Variants in ZCCHC14 observed in about 807,000 individuals in gnomAD.
The protein encoded by ZCCHC14 is zinc finger CCHC domain-containing protein 14.
In ZCCHC14, 16 loss-of-function variants were observed where a neutral mutation model predicts 85.0. The ratio of observed to expected loss-of-function variants is 0.19; its 90% CI spans 0.13 to 0.29. ZCCHC14 has a LOEUF of 0.29. ZCCHC14 is among the 10% of genes least tolerant of loss of function. The probability of loss-of-function intolerance (pLI) is 1.00; values close to 1 mark genes in which losing one functional copy is unlikely to be tolerated. For missense variants in ZCCHC14, 1,303 were observed against 1,443.5 expected, an observed-to-expected ratio of 0.90 and a Z score of 1.58; for synonymous variants, 775 against 630.7, an observed-to-expected ratio of 1.23 and a Z score of -3.43.
At position 87,413,234 on chromosome 16, in the gene ZCCHC14, C is replaced by A. The variant is rs373585854; in HGVS notation, c.1604-39G>T. The A allele has an allele frequency of 3.4e-5, 51 of 1,483,972 alleles. No homozygotes were observed. In the African/African-American group the frequency reaches 6.6e-4, roughly 19 times the overall value. The allele number at this position is 1,483,972 out of a possible 1,614,324, so 91.9% of individuals were successfully genotyped here. On this transcript the variant is annotated intron_variant, in intron 10 of 12. Coordinates refer to ENST00000671377, the MANE Select transcript of ZCCHC14 (RefSeq NM_015144.3). The stretch of plus-strand genomic sequence containing the variant: ...ACAGAGGAGCAGCCATCAACTAGCG[C>A]CCCTGCAGGCTCAGCCCGCCCCGTG...
intron 4 of ZCCHC14, among the ~76,000 whole-genome samples, chr16:87,421,862 C>T (rs142770376): frequency 6.6e-6 from 1 of 152,164 alleles, no homozygotes; most frequent in East Asian, 1.9e-4. Context: ...AGGCATAAAT[C>T]TCGCTCTCCT....
intron 1 of ZCCHC14, among the ~76,000 whole-genome samples, chr16:87,484,246 C>T (rs139185095): frequency 0.017 from 2,516 of 152,342 alleles, 25 homozygotes; most frequent in Middle Eastern, 0.048. Flanking sequence ...ACCCTTAAAA[C>T]GTCCTGGGTG....
At chr16:87,453,451 C>T (rs767393329) in intron 2 of ZCCHC14, among the ~76,000 whole-genome samples, 9 of 152,252 alleles carry the variant, frequency 5.9e-5, no homozygotes, top group Non-Finnish European at 1.2e-4. Context: ...TCAGTTCCCC[C>T]GTCAGTGCCC....
intron 2 of ZCCHC14, among the ~76,000 whole-genome samples, chr16:87,436,934 C>G (rs1301760933): frequency 1.3e-5 from 2 of 152,192 alleles, no homozygotes; most frequent in African/African-American, 4.8e-5. Context: ...GAATACCTAT[C>G]TGCACGCAGA....
chr16:87,476,796 C>A (rs535156583), intron 1 of ZCCHC14, among the ~76,000 whole-genome samples: 2 of 151,684 alleles, frequency 1.3e-5, no homozygotes, highest in Admixed American at 6.6e-5. Context: ...ACGGTCATAC[C>A]GCACAAACCC....
chr16:87,454,836 G>A (rs147744653), intron 2 of ZCCHC14, among the ~76,000 whole-genome samples: 1 of 152,254 alleles, frequency 6.6e-6, no homozygotes, highest in Non-Finnish European at 1.5e-5. Context: ...ATACAGGACA[G>A]GGCAGAGCTG....
intron 2 of ZCCHC14, among the ~76,000 whole-genome samples, chr16:87,453,998 T>C (rs78732443): frequency 0.12 from 17,892 of 152,088 alleles, 3,458 homozygotes; most frequent in African/African-American, 0.41. Flanking sequence ...ATTCTGAAAC[T>C]AAAAATACAA....
At chr16:87,488,874 G>C (rs1026827539) in intron 1 of ZCCHC14, among the ~76,000 whole-genome samples, 26 of 152,294 alleles carry the variant, frequency 1.7e-4, no homozygotes, top group Middle Eastern at 3.4e-3. Flanking sequence ...CACCTTGCCA[G>C]GCCAAGAAAT....
At chr16:87,467,583 T>A (rs569365097) in intron 1 of ZCCHC14, 2 of 1,440,894 alleles carry the variant, frequency 1.4e-6, no homozygotes, top group Admixed American at 1.7e-5. Context: ...TTCTGAAAAT[T>A]GGAATAGGTG....
intron 1 of ZCCHC14, among the ~76,000 whole-genome samples, chr16:87,482,985 A>T (rs1912354468): frequency 6.6e-6 from 1 of 152,158 alleles, no homozygotes; most frequent in Non-Finnish European, 1.5e-5. Context: ...ATTATACATT[A>T]TGCATTATGA....
intron 2 of ZCCHC14, among the ~76,000 whole-genome samples, chr16:87,453,682 C>G (rs1331061701): frequency 6.6e-6 from 1 of 152,234 alleles, no homozygotes; most frequent in Non-Finnish European, 1.5e-5. Flanking sequence ...AGACAATATT[C>G]CCTGTTGCAA....
At position 87,492,314 on chromosome 16, in the gene ZCCHC14, C is replaced by A. The variant is rs932391311; in HGVS notation, c.-76G>T. 4.5e-5 allele frequency: 31 copies of A among 688,470 alleles called. No individual in the cohort carries two copies. Among genetic ancestry groups the A allele is most frequent in the Non-Finnish European group, 5.3e-5 (30 of 563,414 alleles). The allele number at this position is 688,470 out of a possible 1,614,324, so 42.6% of individuals were successfully genotyped here. On this transcript the variant is annotated 5_prime_UTR_variant, in exon 1 of 13. Coordinates refer to ENST00000671377, the MANE Select transcript of ZCCHC14 (RefSeq NM_015144.3). This position sits in a 1 kb window ranked among gnomAD's most constrained non-coding sequence, Gnocchi z 6.7. ...GGCCGGGGGGCGCCGGGGGCCGCGGCCGGGGCGCGCCGGGACCGGGGACGC... is the reference window on the plus strand; with the variant it reads ...GGCCGGGGGGCGCCGGGGGCCGCGGACGGGGCGCGCCGGGACCGGGGACGC...
At chr16:87,469,732 C>A (rs548085825) in intron 1 of ZCCHC14, among the ~76,000 whole-genome samples, 1 of 152,074 alleles carries the variant, frequency 6.6e-6, no homozygotes, top group African/African-American at 2.4e-5. Flanking sequence ...CTGGGAGGAT[C>A]CAGGAGGGGC....
chr16:87,415,930 G>GT (rs1196816368), intron 8 of ZCCHC14, among the ~76,000 whole-genome samples: 12 of 151,696 alleles, frequency 7.9e-5, no homozygotes, highest in Non-Finnish European at 1.2e-4. Flanking sequence ...TTGTTTGTTT[G>GT]TTTTTTTGTT....
chr16:87,413,600 C>A (rs1908605485), intron 10 of ZCCHC14, among the ~76,000 whole-genome samples: 1 of 152,042 alleles, frequency 6.6e-6, no homozygotes, highest in South Asian at 2.1e-4. Context: ...TGAGCTACTG[C>A]TCCTCCGATT....
At chr16:87,423,195 CA>C (rs1909194168) in intron 4 of ZCCHC14, among the ~76,000 whole-genome samples, 1 of 152,202 alleles carries the variant, frequency 6.6e-6, no homozygotes, top group South Asian at 2.1e-4. Flanking sequence ...TGTGTGTACA[CA>C]TGCACACGGA....
intron 2 of ZCCHC14, among the ~76,000 whole-genome samples, chr16:87,438,232 C>CGGCTGGACGGCGTGCACGGG (rs1260339111): frequency 6.6e-6 from 1 of 152,276 alleles, no homozygotes; most frequent in Non-Finnish European, 1.5e-5. Context: ...CCGACCCAGC[C>CGGCTGGACGGCGTGCACGGG]GGCTGGACGG....
At chr16:87,467,928 G>A (rs1327072908) in intron 1 of ZCCHC14, among the ~76,000 whole-genome samples, 8 of 152,198 alleles carry the variant, frequency 5.3e-5, no homozygotes, top group African/African-American at 1.9e-4. Context: ...TGGGATTACA[G>A]GCGTGAGCCA....
intron 2 of ZCCHC14, among the ~76,000 whole-genome samples, chr16:87,438,596 T>TA (rs963037079): frequency 2.6e-5 from 4 of 152,232 alleles, no homozygotes; most frequent in African/African-American, 9.6e-5. Flanking sequence ...GATAGTAGCT[T>TA]AAAAGGGCCA....
Sources: gnomAD v4.1 joint callset for allele counts (sites outside exome capture counted in the v4.1 genomes callset) on GRCh38, gnomAD v4.1.1 for gene constraint, Gnocchi (gnomAD v3.1) non-coding constraint, MANE v1.5 for transcripts, NCBI Gene and HGNC (gene_info 2026-07-23, HGNC 2026-07-21) for gene names.